PPP1R12B: variants seen among roughly 807,000 people sequenced by gnomAD.
PPP1R12B encodes myosin phosphatase target subunit 2.
Under a neutral mutation model 126.1 loss-of-function variants are expected in PPP1R12B, and 76 were observed. The observed-to-expected ratio is 0.60, with a 90% CI of 0.50 to 0.73. PPP1R12B has a LOEUF of 0.73. PPP1R12B is among the 30% of genes least tolerant of loss of function. PPP1R12B has a pLI of 0.00. For synonymous variants in PPP1R12B, 356 were observed against 434.7 expected (o/e 0.82, Z 2.25); for missense variants, 1,052 against 1,205.1 (o/e 0.87, Z 1.88).
intron 8 of PPP1R12B, 122 bp downstream of exon 8, chr1:202,431,741 G>A: frequency 1.1e-6 from 1 of 937,016 alleles, no homozygotes; most frequent in South Asian, 2.0e-5. Context: ...TAGTTTTCAA[G>A]GATAAGATAT....
rs1317007818 is a variant in PPP1R12B, at chr1:202,588,683, C to T, written c.*8123C>T. The T allele has an allele frequency of 1.3e-5, 2 of 152,112 alleles. No individual in the cohort carries two copies. The highest frequency in any genetic ancestry group is 2.9e-5 in the Non-Finnish European group (2 of 68,030). The allele number at this position is 152,112 out of a possible 1,614,324, so 9.4% of individuals were successfully genotyped here. The stretch of plus-strand genomic sequence containing the variant: ...GGCCTCGCCCACCAGCCTCCTACAA[C>T]TCCTGTCCACATAGAGGCCCCTTCC... On this transcript the variant is annotated 3_prime_UTR_variant, in exon 24 of 24. Transcript: ENST00000608999.
Position 202,416,869 on chromosome 1 carries a change from G to A in PPP1R12B, c.374G>A (p.Trp125Ter), listed in dbSNP as rs1179731369. 6.2e-7 allele frequency: 1 copy of A among 1,613,892 alleles called. No homozygotes were observed. The highest frequency in any genetic ancestry group is 1.3e-5 in the African/African-American group (1 of 74,900). Residue 125 changes from tryptophan (W) to a stop codon, truncating the protein, a stop_gained, in exon 2 of 24, where the codon TGG (tryptophan) becomes TAG (stop). Transcript: ENST00000608999. LOFTEE classifies it high-confidence loss of function. ...ANVNQQDNEG[W>*]TPLHAAASCG... ...GTAAACCAGCAAGACAACGAGGGCTGGACACCCCTTCATGCAGCAGCTTCC... is the reference window on the plus strand; with the variant it reads ...GTAAACCAGCAAGACAACGAGGGCTAGACACCCCTTCATGCAGCAGCTTCC...
intron 18 of PPP1R12B, among the ~76,000 whole-genome samples, chr1:202,540,754 G>A (rs1173473032): frequency 6.6e-6 from 1 of 152,208 alleles, no homozygotes; most frequent in Non-Finnish European, 1.5e-5. Flanking sequence ...TTGTATGTCT[G>A]TCTGTGAGAA....
At chr1:202,447,621 A>T (rs1202261801) in intron 12 of PPP1R12B, among the ~76,000 whole-genome samples, 1 of 152,196 alleles carries the variant, frequency 6.6e-6, no homozygotes, top group Non-Finnish European at 1.5e-5. Flanking sequence ...CTAACAATCT[A>T]CTTGTAAAAT....
intron 1 of PPP1R12B, among the ~76,000 whole-genome samples, chr1:202,397,642 C>T (rs559919562): frequency 6.6e-6 from 1 of 152,164 alleles, no homozygotes; most frequent in African/African-American, 2.4e-5. Context: ...TACATTATTC[C>T]ATTGAAATTA....
intron 1 of PPP1R12B, among the ~76,000 whole-genome samples, chr1:202,352,380 A>G (rs1656187009): frequency 6.6e-6 from 1 of 152,216 alleles, no homozygotes; most frequent in Admixed American, 6.5e-5. Flanking sequence ...GGAAGAGGCA[A>G]GTGCCTACTT....
intron 18 of PPP1R12B, among the ~76,000 whole-genome samples, chr1:202,504,645 A>G (rs140723346): frequency 0.037 from 5,706 of 152,270 alleles, 198 homozygotes; most frequent in Admixed American, 0.11. Context: ...CTGTTGCACT[A>G]CCTTCCAAAT....
chr1:202,567,486 G>GGAGA (rs149322103), intron 21 of PPP1R12B: 22 of 353,070 alleles, frequency 6.2e-5, no homozygotes, highest in South Asian at 1.2e-4. Context: ...GAAGACCTGT[G>GGAGA]GAGAGAGAGA....
chr1:202,514,648 A>G (rs1382760355), intron 18 of PPP1R12B, among the ~76,000 whole-genome samples: 1 of 152,196 alleles, frequency 6.6e-6, no homozygotes, highest in Non-Finnish European at 1.5e-5. Context: ...GCATATGGCT[A>G]GCCAGTTATC....
chr1:202,361,188 C>T (rs1016236421), intron 1 of PPP1R12B, among the ~76,000 whole-genome samples: 8 of 152,144 alleles, frequency 5.3e-5, no homozygotes, highest in African/African-American at 9.7e-5. Flanking sequence ...CTACCGCTCC[C>T]GGCCTCCATT....
In PPP1R12B at chr1:202,422,634, A is replaced by G. The variant is rs541544484; in HGVS notation, c.437A>G (p.His146Arg). 1.9e-6 allele frequency: 3 copies of G among 1,613,804 alleles called. No individual in the cohort carries two copies. The highest frequency in any genetic ancestry group is 3.3e-5 in the Admixed American group (2 of 60,020). Residue 146 changes from histidine to arginine, a missense_variant, in exon 3 of 24, where the codon CAC becomes CGC. Transcript: ENST00000608999. ...TGTCTACGCAGGTATTTCATTAATC[A>G]CGGAGCCAGTGTAGGTATTGTCAAT... ...YLNIAEYFINHGASVGIVNSE... is the reference protein window; with the variant it reads ...YLNIAEYFINRGASVGIVNSE...
At chr1:202,415,246 G>T (rs1667919187) in intron 1 of PPP1R12B, among the ~76,000 whole-genome samples, 1 of 152,108 alleles carries the variant, frequency 6.6e-6, no homozygotes. Context: ...TTAACTGTAT[G>T]TGGTGAGGAA....
intron 18 of PPP1R12B, among the ~76,000 whole-genome samples, chr1:202,553,628 G>A (rs941656972): frequency 6.6e-6 from 1 of 152,188 alleles, no homozygotes; most frequent in African/African-American, 2.4e-5. Context: ...GGAGGAGGAT[G>A]GAAGGATGGG....
intron 1 of PPP1R12B, among the ~76,000 whole-genome samples, chr1:202,371,429 T>G (rs928751762): frequency 6.6e-6 from 1 of 152,142 alleles, no homozygotes; most frequent in African/African-American, 2.4e-5. Context: ...TTTACACTTC[T>G]GCAATGACTA....
At chr1:202,402,183 A>G (rs761515500) in intron 1 of PPP1R12B, among the ~76,000 whole-genome samples, 1 of 152,182 alleles carries the variant, frequency 6.6e-6, no homozygotes, top group African/African-American at 2.4e-5. Context: ...TTACCTGTCC[A>G]TATTCTACTT....
chr1:202,481,179 C>T (rs947610032), intron 13 of PPP1R12B, among the ~76,000 whole-genome samples: 9 of 152,176 alleles, frequency 5.9e-5, no homozygotes, highest in African/African-American at 2.2e-4. Context: ...ACTTGCTCAC[C>T]TCCTGCTGTA....
intron 11 of PPP1R12B, among the ~76,000 whole-genome samples, chr1:202,441,669 A>C (rs1351594953): frequency 1.3e-5 from 2 of 152,186 alleles, no homozygotes; most frequent in African/African-American, 4.8e-5. Context: ...CAAAAATCCT[A>C]GTACAGCACT....
intron 18 of PPP1R12B, among the ~76,000 whole-genome samples, chr1:202,516,623 C>T (rs1481014331): frequency 1.3e-5 from 2 of 151,196 alleles, no homozygotes; most frequent in African/African-American, 4.9e-5. Flanking sequence ...GATAGTTTGC[C>T]GTTAAAAAAA....
At chr1:202,408,420 T>C (rs1336141715) in intron 1 of PPP1R12B, among the ~76,000 whole-genome samples, 1 of 152,236 alleles carries the variant, frequency 6.6e-6, no homozygotes, top group African/African-American at 2.4e-5. Context: ...ATAAATTTAT[T>C]GATCACTTTT....
Sources: allele counts gnomAD v4.1 joint callset (sites outside exome capture counted in the v4.1 genomes callset), GRCh38; gene constraint gnomAD v4.1.1; transcripts MANE v1.5; gene names NCBI Gene and HGNC (gene_info 2026-07-23, HGNC 2026-07-21).